The following HACE1 variants were observed in gnomAD, a reference collection of about 807,000 sequenced individuals.
The protein encoded by HACE1 is HECT domain and ankyrin repeat containing E3 ubiquitin protein ligase 1.
A neutral mutation model predicts 118.4 loss-of-function variants in HACE1; 73 were observed. That is an observed-to-expected ratio of 0.62 (90% confidence interval 0.51 to 0.75). The LOEUF is 0.75. HACE1 is among the 30% of genes least tolerant of loss of function. The probability of loss-of-function intolerance (pLI) is 0.00; values close to 1 mark genes in which losing one functional copy is unlikely to be tolerated. For missense variants in HACE1, 749 were observed against 1,102.2 expected (o/e 0.68, Z 4.54); for synonymous variants, 368 against 374.8 (o/e 0.98, Z 0.21).
Position 104,813,389 on chromosome 6 carries a change from C to T in HACE1, c.535-1996G>A, listed in dbSNP as rs574085919. On this transcript the variant is annotated intron_variant, in intron 6 of 23. Transcript: ENST00000262903. ...AAGACGCTATCTGTAAAGCAAGACC[C>T]TATCTCTAAAAAGAAACAAAAATTA... Among the ~76,000 whole-genome samples, 12 of 138,272 alleles carry T rather than the reference C, an allele frequency of 8.7e-5. 1 individual carries two copies. Among genetic ancestry groups the T allele is most frequent in the Admixed American group, 2.1e-4 (3 of 14,028 alleles). The allele number at this position is 138,272 out of a possible 152,430, so 90.7% of individuals were successfully genotyped here. A position where few individuals can be genotyped will look rare whatever the true frequency, so the allele number is the denominator to read the frequency against.
At chr6:104,768,571 A>C (rs917873101) in intron 19 of HACE1, among the ~76,000 whole-genome samples, 1 of 152,120 alleles carries the variant, frequency 6.6e-6, no homozygotes, top group Non-Finnish European at 1.5e-5. Flanking sequence ...CAACAATTTG[A>C]TACACAATTA....
At chr6:104,807,474 ACT>A (rs1771135940) in intron 7 of HACE1, among the ~76,000 whole-genome samples, 1 of 152,160 alleles carries the variant, frequency 6.6e-6, no homozygotes, top group Non-Finnish European at 1.5e-5. Flanking sequence ...TTACTAATTT[ACT>A]GTATCTATAC....
chr6:104,784,890 CA>C, intron 12 of HACE1, 94 bp downstream of exon 12: 1 of 842,802 alleles, frequency 1.2e-6, no homozygotes, highest in Non-Finnish European at 2.0e-6. Flanking sequence ...TTTAAATCAA[CA>C]AATTATTATT....
At chr6:104,807,874 C>T (rs1771185905) in intron 7 of HACE1, among the ~76,000 whole-genome samples, 1 of 151,148 alleles carries the variant, frequency 6.6e-6, no homozygotes, top group South Asian at 2.1e-4. Context: ...AAAAGACTCA[C>T]AGAAACACTA....
intron 4 of HACE1, among the ~76,000 whole-genome samples, chr6:104,843,638 G>A (rs943476431): frequency 7.2e-5 from 11 of 152,120 alleles, no homozygotes; most frequent in Non-Finnish European, 1.3e-4. Flanking sequence ...CAAGTCTAAT[G>A]GAAGGGGAAT....
At chr6:104,757,210 G>A (rs974455727) in intron 19 of HACE1, among the ~76,000 whole-genome samples, 1 of 152,316 alleles carries the variant, frequency 6.6e-6, no homozygotes, top group East Asian at 1.9e-4. Context: ...GAAGAGAGCA[G>A]TGGTTCTCCC....
chr6:104,801,872 G>A (rs993090610), intron 7 of HACE1, among the ~76,000 whole-genome samples: 10 of 152,110 alleles, frequency 6.6e-5, no homozygotes, highest in African/African-American at 2.4e-4. Context: ...AACCTTAAAT[G>A]TAAATGGGCT....
intron 7 of HACE1, among the ~76,000 whole-genome samples, chr6:104,805,078 A>G (rs1268320183): frequency 6.6e-6 from 1 of 152,158 alleles, no homozygotes; most frequent in Non-Finnish European, 1.5e-5. Context: ...AAAGAAGACA[A>G]TTATGCAACC....
In HACE1 at chr6:104,750,575, T is replaced by C. The variant is rs1582655143; in HGVS notation, c.2212-103A>G. ...TAAGAGGTAAAGGTTTAAAATAAAA[T>C]TGACACCAACACTCATACATCTCAG... is the stretch of plus-strand genomic sequence containing the variant. On this transcript the variant is annotated intron_variant, in intron 19 of 23. Coordinates refer to ENST00000262903, the MANE Select transcript of HACE1 (RefSeq NM_020771.4). 3.6e-6 allele frequency: 4 copies of C among 1,096,250 alleles called. No homozygotes were observed. The East Asian group carries it at 7.9e-5, about 22-fold the overall frequency. 67.9% of individuals were successfully genotyped at this position (1,096,250 alleles called of 1,614,324 possible).
chr6:104,816,593 AG>A (rs34163169), intron 6 of HACE1, among the ~76,000 whole-genome samples: 22,196 of 152,256 alleles, frequency 0.15, 1,636 homozygotes, highest in Middle Eastern at 0.23. Context: ...CTGCTGCAGG[AG>A]TAGAGCCTTC....
In HACE1 at chr6:104,852,226, TGTGC is replaced by T. The variant is rs1166852509; in HGVS notation, c.131+87_131+90del. The stretch of plus-strand genomic sequence containing the variant: ...GTGTGTGTGTGTGTGTGTGTGTGTG[TGTGC>T]GCGCGTGCGCGTGCACGGGCATGCA... On this transcript the variant is annotated intron_variant, in intron 2 of 23. Transcript: ENST00000262903. The T allele has an allele frequency of 2.5e-3, 1,811 of 716,098 alleles. 11 individuals are homozygous for T. The highest frequency in any genetic ancestry group is 0.025 in the African/African-American group (1,258 of 50,396). 44.4% of individuals were successfully genotyped at this position (716,098 alleles called of 1,614,324 possible).
At chr6:104,824,019 A>C (rs1308128302) in intron 6 of HACE1, among the ~76,000 whole-genome samples, 2 of 152,186 alleles carry the variant, frequency 1.3e-5, no homozygotes, top group African/African-American at 4.8e-5. Flanking sequence ...CACAGTGATG[A>C]GTAGTAAGGA....
At chr6:104,784,952 GA>G (rs375598261) in intron 12 of HACE1, 32 bp downstream of exon 12, 67,048 of 1,241,760 alleles carry the variant, frequency 0.054, 1,955 homozygotes, top group Admixed American at 0.15. Flanking sequence ...ATCTATCAGA[GA>G]AAAAAAAAAT....
At chr6:104,776,886 T>G (rs1781275831) in intron 16 of HACE1, 58 bp from the exon 17 acceptor site, 2 of 1,387,698 alleles carry the variant, frequency 1.4e-6, no homozygotes, top group African/African-American at 2.9e-5. Flanking sequence ...GGGAAATTTT[T>G]TTCTAAATAA....
intron 19 of HACE1, among the ~76,000 whole-genome samples, chr6:104,758,017 T>C (rs947208904): frequency 4.6e-5 from 7 of 151,946 alleles, no homozygotes; most frequent in Non-Finnish European, 1.0e-4. Flanking sequence ...GAAAAGAAAC[T>C]AACAAAGCCT....
chr6:104,745,270 G>C (rs899761091), intron 20 of HACE1, among the ~76,000 whole-genome samples: 3 of 152,066 alleles, frequency 2.0e-5, no homozygotes, highest in Non-Finnish European at 4.4e-5. Flanking sequence ...AATCGTATAA[G>C]TAAAAATGAA....
intron 6 of HACE1, among the ~76,000 whole-genome samples, chr6:104,826,906 C>G (rs1773394963): frequency 1.3e-5 from 2 of 152,148 alleles, no homozygotes; most frequent in African/African-American, 4.8e-5. Context: ...GGGTTCCCTC[C>G]TCCTTACAGA....
At chr6:104,800,729 C>A (rs1770237833) in intron 7 of HACE1, among the ~76,000 whole-genome samples, 1 of 152,058 alleles carries the variant, frequency 6.6e-6, no homozygotes, top group African/African-American at 2.4e-5. Flanking sequence ...CATCAAAGAC[C>A]AAAGGTAGAC....
chr6:104,734,207 C>CATTTAAGAT (rs947881719), intron 22 of HACE1, among the ~76,000 whole-genome samples: 5 of 136,238 alleles, frequency 3.7e-5, no homozygotes, highest in Admixed American at 3.6e-4. Context: ...AACAGTAAAA[C>CATTTAAGAT]ATTTAAGATG....
Sources: allele counts gnomAD v4.1 joint callset (sites outside exome capture counted in the v4.1 genomes callset), GRCh38; gene constraint gnomAD v4.1.1; transcripts MANE v1.5; gene names NCBI Gene and HGNC (gene_info 2026-07-23, HGNC 2026-07-21).